The following PRKCA variants were observed in gnomAD, a reference collection of about 807,000 sequenced individuals.
The protein encoded by PRKCA is protein kinase C alpha.
PRKCA carries 27 observed loss-of-function variants against 87.0 expected under a neutral mutation model. That is an observed-to-expected ratio of 0.31 (90% CI 0.23 to 0.43). PRKCA has a LOEUF of 0.43. Among genes scored for constraint, PRKCA ranks in the 20% least tolerant of loss-of-function variants. PRKCA has a pLI of 1.00. For missense variants in PRKCA, 518 were observed against 852.3 expected (o/e 0.61, Z 4.88); for synonymous variants, 329 against 311.1 (o/e 1.06, Z -0.61).
chr17:66,462,943 C>A (rs200926545), intron 2 of PRKCA, among the ~76,000 whole-genome samples: 1 of 72,352 alleles, frequency 1.4e-5, no homozygotes, highest in Non-Finnish European at 3.5e-5. Flanking sequence ...CACACACACA[C>A]ACACACACAC....
At chr17:66,781,423 G>T (rs1325242582) in intron 14 of PRKCA, among the ~76,000 whole-genome samples, 1 of 152,204 alleles carries the variant, frequency 6.6e-6, no homozygotes, top group Admixed American at 6.5e-5. Flanking sequence ...AACCAGCAGA[G>T]GCCTCTCTGA....
chr17:66,569,279 A>G (rs562048883), intron 3 of PRKCA, among the ~76,000 whole-genome samples: 2 of 151,968 alleles, frequency 1.3e-5, no homozygotes, highest in Admixed American at 1.3e-4. Flanking sequence ...TCCTGAATTT[A>G]AAAAAAAGGT....
At chr17:66,316,857 C>T (rs953137133) in intron 2 of PRKCA, among the ~76,000 whole-genome samples, 3 of 151,966 alleles carry the variant, frequency 2.0e-5, no homozygotes, top group Admixed American at 2.0e-4. Flanking sequence ...TATTAAAAAT[C>T]AGCAGCCGGG....
chr17:66,504,631 C>T (rs1202106867), intron 3 of PRKCA, among the ~76,000 whole-genome samples: 1 of 151,808 alleles, frequency 6.6e-6, no homozygotes, highest in Admixed American at 6.6e-5. Flanking sequence ...AGGGTAGGTG[C>T]CATAAGTGGG....
At chr17:66,439,886 A>T (rs1396221921) in intron 2 of PRKCA, among the ~76,000 whole-genome samples, 1 of 152,232 alleles carries the variant, frequency 6.6e-6, no homozygotes, top group Non-Finnish European at 1.5e-5. Context: ...TGAAAAGTAA[A>T]ACAAGACTCT....
At chr17:66,560,320 G>A (rs1250023826) in intron 3 of PRKCA, among the ~76,000 whole-genome samples, 1 of 152,138 alleles carries the variant, frequency 6.6e-6, no homozygotes, top group East Asian at 1.9e-4. Flanking sequence ...AAATGAGAAT[G>A]CAATTTAAAA....
chr17:66,496,889 C>T (rs1441787532), intron 3 of PRKCA, among the ~76,000 whole-genome samples: 2 of 151,994 alleles, frequency 1.3e-5, no homozygotes, highest in Non-Finnish European at 2.9e-5. Context: ...GCAATCCACT[C>T]GTCTTGGCCT....
intron 6 of PRKCA, 62 bp downstream of exon 6, chr17:66,687,329 ATTTG>A: frequency 1.3e-6 from 2 of 1,510,160 alleles, no homozygotes; most frequent in Non-Finnish European, 1.8e-6. Flanking sequence ...CCACCTCATT[ATTTG>A]AGGTAATGAA....
chr17:66,338,743 A>G (rs2143336008), intron 2 of PRKCA, among the ~76,000 whole-genome samples: 1 of 152,340 alleles, frequency 6.6e-6, no homozygotes, highest in East Asian at 1.9e-4. Flanking sequence ...GGAATGTACT[A>G]TAACCAACCA....
At chr17:66,394,153 T>G (rs1910528387) in intron 2 of PRKCA, among the ~76,000 whole-genome samples, 1 of 152,158 alleles carries the variant, frequency 6.6e-6, no homozygotes, top group African/African-American at 2.4e-5. Context: ...GCTCTGTTCT[T>G]CCTAGAGGAG....
intron 2 of PRKCA, among the ~76,000 whole-genome samples, chr17:66,432,667 A>T (rs1216859115): frequency 6.6e-6 from 1 of 152,076 alleles, no homozygotes; most frequent in Admixed American, 6.5e-5. Flanking sequence ...GATGCCAGGG[A>T]CTGGGCCTTA....
rs1567761628 is a variant in PRKCA at position 66,302,886 on chromosome 17, C to G, written c.35C>G (p.Ala12Gly). Residue 12 changes from alanine to glycine, a missense_variant, in exon 1 of 17, where the codon GCG (alanine) becomes GGG (glycine). Physicochemically the swap from Ala to Gly is moderately conservative, Grantham distance 60 (BLOSUM62 0). This residue lies in a region of PRKCA where 33 missense variants were observed against 34.1 expected (regional missense o/e 0.97). Transcript: ENST00000413366. ...GTTTTCCCGGGCAACGACTCCACGGCGTCTCAGGACGTGGCCAACCGCTTC... is the reference window on the plus strand; with the variant it reads ...GTTTTCCCGGGCAACGACTCCACGGGGTCTCAGGACGTGGCCAACCGCTTC... ...ADVFPGNDST[A>G]SQDVANRFAR... is the part of the protein sequence containing the mutation. 1 of 1,603,464 alleles carries G rather than the reference C, an allele frequency of 6.2e-7. No homozygotes were observed. The highest frequency in any genetic ancestry group is 8.5e-7 in the Non-Finnish European group (1 of 1,174,664).
At chr17:66,428,878 G>A (rs1398214531) in intron 2 of PRKCA, among the ~76,000 whole-genome samples, 2 of 152,090 alleles carry the variant, frequency 1.3e-5, no homozygotes, top group Non-Finnish European at 2.9e-5. Context: ...AGAGAGTAAA[G>A]GATCATTGAA....
intron 3 of PRKCA, among the ~76,000 whole-genome samples, chr17:66,585,749 G>A (rs577197398): frequency 6.6e-6 from 1 of 152,300 alleles, no homozygotes; most frequent in East Asian, 1.9e-4. Context: ...GAACCTGGAG[G>A]GCATTATTAA....
intron 2 of PRKCA, among the ~76,000 whole-genome samples, chr17:66,418,777 A>C (rs1912323245): frequency 7.1e-6 from 1 of 140,026 alleles, no homozygotes; most frequent in South Asian, 2.3e-4. Flanking sequence ...TTTAAGAGGG[A>C]GTCTCACTCT....
chr17:66,305,063 G>C (rs1305979819), intron 1 of PRKCA, among the ~76,000 whole-genome samples: 1 of 152,146 alleles, frequency 6.6e-6, no homozygotes, highest in African/African-American at 2.4e-5. Flanking sequence ...CCAGTATTGT[G>C]AAGTGGAAAA....
At chr17:66,494,969 G>A (rs1436927280) in intron 2 of PRKCA, among the ~76,000 whole-genome samples, 1 of 151,936 alleles carries the variant, frequency 6.6e-6, no homozygotes, top group African/African-American at 2.4e-5. Flanking sequence ...GGGTGTGGTG[G>A]CACTTGCCTG....
intron 2 of PRKCA, chr17:66,414,888 A>C (rs1912044999): frequency 6.6e-6 from 1 of 152,180 alleles, no homozygotes; most frequent in South Asian, 2.1e-4. Flanking sequence ...TTTAAAGACT[A>C]GTTTAGTGAC....
chr17:66,610,902 G>T (rs1970343552), intron 3 of PRKCA, among the ~76,000 whole-genome samples: 1 of 152,136 alleles, frequency 6.6e-6, no homozygotes, highest in Admixed American at 6.5e-5. Context: ...TGCAGCAAGA[G>T]CAGGAAGGGT....
Sources: allele counts gnomAD v4.1 joint callset (sites outside exome capture counted in the v4.1 genomes callset), GRCh38; gene constraint gnomAD v4.1.1; regional missense constraint gnomAD v4.1.1; transcripts MANE v1.5; gene names NCBI Gene and HGNC (gene_info 2026-07-23, HGNC 2026-07-21).